Variants in ARHGAP28 observed in about 807,000 individuals in gnomAD.
ARHGAP28 encodes the protein rho GTPase-activating protein 28.
Under a neutral mutation model 90.7 loss-of-function variants are expected in ARHGAP28, and 56 were observed. The observed-to-expected ratio is 0.62, with a 90% CI of 0.50 to 0.77. ARHGAP28 has a LOEUF of 0.77. Among genes scored for constraint, ARHGAP28 ranks in the 30% least tolerant of loss-of-function variants. The probability of loss-of-function intolerance (pLI) is 0.00; values close to 1 mark genes in which losing one functional copy is unlikely to be tolerated. For missense variants in ARHGAP28, 869 were observed against 900.9 expected (o/e 0.96, Z 0.45); for synonymous variants, 308 against 323.3 (o/e 0.95, Z 0.51).
chr18:6,830,996 CTG>C (rs1270920470), intron 2 of ARHGAP28, among the ~76,000 whole-genome samples: 1 of 152,186 alleles, frequency 6.6e-6, no homozygotes, highest in Non-Finnish European at 1.5e-5. Flanking sequence ...ACATAAGAAA[CTG>C]TGAAACTGCC....
intron 2 of ARHGAP28, among the ~76,000 whole-genome samples, chr18:6,832,753 A>T (rs1266835446): frequency 6.6e-6 from 1 of 151,950 alleles, no homozygotes; most frequent in East Asian, 1.9e-4. Flanking sequence ...TGTTTGCAAG[A>T]TATATCTTAT....
chr18:6,731,558 G>T (rs1434808611), intron 1 of ARHGAP28, among the ~76,000 whole-genome samples: 3 of 152,124 alleles, frequency 2.0e-5, no homozygotes, highest in African/African-American at 7.2e-5. Flanking sequence ...TCACCTTAAG[G>T]TTGCCAATTA....
At chr18:6,841,186 T>TCACTGTCTCTCTC (rs1195564662) in intron 3 of ARHGAP28, among the ~76,000 whole-genome samples, 1 of 57,794 alleles carries the variant, frequency 1.7e-5, no homozygotes, top group Admixed American at 1.7e-4. Flanking sequence ...CTCTCCTCTC[T>TCACTGTCTCTCTC]CTCTCTCTCT....
intron 1 of ARHGAP28, among the ~76,000 whole-genome samples, chr18:6,795,149 G>C (rs1230797575): frequency 6.6e-6 from 1 of 152,100 alleles, no homozygotes; most frequent in Non-Finnish European, 1.5e-5. Context: ...CTAAATCCAG[G>C]AGTGGATCTT....
chr18:6,759,819 C>T (rs4291992), intron 1 of ARHGAP28, among the ~76,000 whole-genome samples: 22,455 of 152,094 alleles, frequency 0.15, 1,876 homozygotes, highest in East Asian at 0.23. Flanking sequence ...CCCAAGTCTC[C>T]GCTTCCCACT....
chr18:6,841,190 T>TCTCTCTCCTCTCTCTCTCTC (rs1555631508), intron 3 of ARHGAP28, among the ~76,000 whole-genome samples: 1 of 66,540 alleles, frequency 1.5e-5, no homozygotes, highest in Middle Eastern at 5.7e-3. Context: ...CCTCTCTCTC[T>TCTCTCTCCTCTCTCTCTCTC]CTCTCTCTCT....
intron 2 of ARHGAP28, among the ~76,000 whole-genome samples, chr18:6,827,253 A>T (rs1300186404): frequency 6.6e-6 from 1 of 151,560 alleles, no homozygotes; most frequent in Admixed American, 6.6e-5. Flanking sequence ...CTCACTTCCC[A>T]GTAGGGGCGG....
chr18:6,763,625 G>A (rs1483307387), intron 1 of ARHGAP28, among the ~76,000 whole-genome samples: 1 of 152,158 alleles, frequency 6.6e-6, no homozygotes, highest in Non-Finnish European at 1.5e-5. Context: ...AACTCCGGGA[G>A]CACAAAGCCT....
intron 7 of ARHGAP28, among the ~76,000 whole-genome samples, 165 bp downstream of exon 7, chr18:6,870,897 T>A (rs1045487079): frequency 1.8e-4 from 27 of 151,754 alleles, no homozygotes; most frequent in Admixed American, 1.8e-3. Flanking sequence ...GCCTCCCGGG[T>A]TCACGCCATT....
At chr18:6,833,841 T>C (rs1256563818) in intron 2 of ARHGAP28, among the ~76,000 whole-genome samples, 1 of 152,206 alleles carries the variant, frequency 6.6e-6, no homozygotes, top group Non-Finnish European at 1.5e-5. Context: ...GTTATTTCTT[T>C]ATATCAGAAT....
rs2057418354 is a variant in ARHGAP28, at chr18:6,915,591, A to G, written c.*3437A>G. 6.6e-6 allele frequency: 1 copy of G among 152,268 alleles called. No homozygotes were observed. The highest frequency in any genetic ancestry group is 2.1e-4 in the South Asian group (1 of 4,826). The allele number at this position is 152,268 out of a possible 1,614,324, so 9.4% of individuals were successfully genotyped here. A position where few individuals can be genotyped will look rare whatever the true frequency, so the allele number is the denominator to read the frequency against. ...ACAAATCATGACACTAGAAAACGCC[A>G]ATGTTTTATGTCTTTGCCCATCTCA... On this transcript the variant is annotated 3_prime_UTR_variant, in exon 18 of 18. Transcript: ENST00000383472.
At chr18:6,896,154 T>C (rs1417399728) in intron 15 of ARHGAP28, among the ~76,000 whole-genome samples, 1 of 152,240 alleles carries the variant, frequency 6.6e-6, no homozygotes, top group Non-Finnish European at 1.5e-5. Context: ...TTAAAATATA[T>C]TGAAGTACAG....
chr18:6,849,252 CA>C (rs35080791), intron 3 of ARHGAP28, among the ~76,000 whole-genome samples: 41,114 of 88,320 alleles, frequency 0.47, 7,754 homozygotes, highest in Non-Finnish European at 0.53. Context: ...GACCTTGTCT[CA>C]AAAAAAAAAA....
chr18:6,878,820 TAGAA>T (rs2057154285), intron 10 of ARHGAP28, among the ~76,000 whole-genome samples: 2 of 152,242 alleles, frequency 1.3e-5, no homozygotes, highest in Non-Finnish European at 2.9e-5. Flanking sequence ...ACACTGCCGT[TAGAA>T]AGACATTGAA....
At chr18:6,834,855 A>G (rs2056741190) in intron 2 of ARHGAP28, among the ~76,000 whole-genome samples, 1 of 152,266 alleles carries the variant, frequency 6.6e-6, no homozygotes, top group South Asian at 2.1e-4. Flanking sequence ...ATTACATTGG[A>G]TGGTGGGTTT....
At chr18:6,843,340 T>C (rs12326766) in intron 3 of ARHGAP28, among the ~76,000 whole-genome samples, 2,988 of 152,252 alleles carry the variant, frequency 0.02, 104 homozygotes, top group African/African-American at 0.069. Context: ...CTGGCCTCTT[T>C]GTTCTGAAAA....
At chr18:6,909,621 G>GT (rs1228399489) in intron 17 of ARHGAP28, among the ~76,000 whole-genome samples, 1 of 152,086 alleles carries the variant, frequency 6.6e-6, no homozygotes, top group Non-Finnish European at 1.5e-5. Flanking sequence ...GTGATTTGAA[G>GT]TTGGAAAGTC....
At chr18:6,847,655 G>A (rs533451826) in intron 3 of ARHGAP28, among the ~76,000 whole-genome samples, 1 of 151,326 alleles carries the variant, frequency 6.6e-6, no homozygotes, top group Non-Finnish European at 1.5e-5. Flanking sequence ...GTGTGTGTAG[G>A]TTAGACAAGT....
chr18:6,742,960 G>A (rs996279038), intron 1 of ARHGAP28, among the ~76,000 whole-genome samples: 7 of 152,192 alleles, frequency 4.6e-5, no homozygotes, highest in African/African-American at 1.7e-4. Context: ...AGATTAAGTA[G>A]TGTGGATATC....
Sources: gnomAD v4.1 joint callset for allele counts (sites outside exome capture counted in the v4.1 genomes callset) on GRCh38, gnomAD v4.1.1 for gene constraint, MANE v1.5 for transcripts, NCBI Gene and HGNC (gene_info 2026-07-23, HGNC 2026-07-21) for gene names.